ARHGAP24: variants seen among roughly 807,000 people sequenced by gnomAD.
ARHGAP24 encodes rho GTPase-activating protein 24.
A neutral mutation model predicts 76.4 loss-of-function variants in ARHGAP24; 50 were observed. The observed-to-expected ratio is 0.65, with a 90% confidence interval of 0.52 to 0.83. The LOEUF (loss-of-function observed/expected upper bound fraction) is 0.83. ARHGAP24 is among the 40% of genes least tolerant of loss of function. The probability of loss-of-function intolerance (pLI) is 0.00; values close to 1 mark genes in which losing one functional copy is unlikely to be tolerated. For synonymous variants in ARHGAP24, 345 were observed against 323.3 expected (o/e 1.07, Z -0.72); for missense variants, 930 against 914.2 (o/e 1.02, Z -0.22).
At chr4:85,722,117 G>T in intron 3 of ARHGAP24, 145 bp downstream of exon 3, 1 of 710,402 alleles carries the variant, frequency 1.4e-6, no homozygotes, top group Non-Finnish European at 2.5e-6. Context: ...GATAATGACT[G>T]CAGGTTTATA....
chr4:85,581,520 T>A (rs1026708301), intron 2 of ARHGAP24, among the ~76,000 whole-genome samples: 1 of 152,184 alleles, frequency 6.6e-6, no homozygotes, highest in African/African-American at 2.4e-5. Context: ...GGATAAGAGC[T>A]CACTGACTTA....
At chr4:85,541,860 GC>G (rs1178060326) in intron 1 of ARHGAP24, among the ~76,000 whole-genome samples, 2 of 151,978 alleles carry the variant, frequency 1.3e-5, no homozygotes, top group African/African-American at 2.4e-5. Context: ...CAAACAATGA[GC>G]TTTTATTCTT....
chr4:85,665,100 TG>T (rs1458138721), intron 2 of ARHGAP24, among the ~76,000 whole-genome samples: 7 of 152,060 alleles, frequency 4.6e-5, no homozygotes, highest in Admixed American at 3.9e-4. Context: ...TTCTGTCTAA[TG>T]TTGACAGTGG....
At chr4:85,773,723 A>G (rs1727212685) in intron 3 of ARHGAP24, among the ~76,000 whole-genome samples, 1 of 152,226 alleles carries the variant, frequency 6.6e-6, no homozygotes, top group East Asian at 1.9e-4. Context: ...AGGCACGTCA[A>G]TAAATTCAAG....
intron 4 of ARHGAP24, 52 bp from the exon 5 acceptor site, chr4:85,942,014 A>T: frequency 6.4e-7 from 1 of 1,567,176 alleles, no homozygotes; most frequent in Middle Eastern, 2.1e-4. Context: ...CAACAACAAC[A>T]AAGTGGGAAG....
At chr4:85,843,628 T>A (rs1294283740) in intron 3 of ARHGAP24, among the ~76,000 whole-genome samples, 3 of 152,120 alleles carry the variant, frequency 2.0e-5, no homozygotes, top group Non-Finnish European at 4.4e-5. Context: ...ATTTTGTGTG[T>A]GATTTTCTTA....
At chr4:85,559,969 C>G (rs1475502382) in intron 1 of ARHGAP24, among the ~76,000 whole-genome samples, 1 of 152,124 alleles carries the variant, frequency 6.6e-6, no homozygotes, top group Non-Finnish European at 1.5e-5. Flanking sequence ...AGCAAAGAGT[C>G]TTTCTTACCT....
At chr4:85,541,366 G>A (rs939211109) in intron 1 of ARHGAP24, among the ~76,000 whole-genome samples, 2 of 121,380 alleles carry the variant, frequency 1.6e-5, no homozygotes, top group Non-Finnish European at 1.5e-5. Flanking sequence ...TTTTAGCCGG[G>A]ATGGTCTTGA....
rs930775199 is a variant in ARHGAP24, at chr4:85,994,675, G to T, written c.1021G>T (p.Asp341Tyr). 1 of 1,614,156 alleles carries T rather than the reference G, an allele frequency of 6.2e-7. No individual in the cohort carries two copies. Among genetic ancestry groups the T allele is most frequent in the East Asian group, 2.2e-5 (1 of 44,876 alleles). Reference protein sequence around the residue: ...KDAELQSKPQDGVSNNNEIQK... With the variant: ...KDAELQSKPQYGVSNNNEIQK... ...TGCAGAACTACAAAGCAAGCCCCAA[G>T]ATGGAGTGAGCAACAACAATGAAAT... The change falls in exon 9 of 10, where the codon GAT (aspartate) becomes TAT (tyrosine). Residue 341 changes from aspartate to tyrosine, a missense_variant. Transcript: ENST00000395184.
At chr4:85,844,961 G>C (rs563292569) in intron 3 of ARHGAP24, among the ~76,000 whole-genome samples, 6 of 152,172 alleles carry the variant, frequency 3.9e-5, no homozygotes, top group African/African-American at 1.4e-4. Context: ...ATGGTGCATG[G>C]CACCAGTTTA....
chr4:85,897,349 G>A (rs1165748426), intron 3 of ARHGAP24, among the ~76,000 whole-genome samples: 3 of 152,126 alleles, frequency 2.0e-5, no homozygotes. Context: ...TTATTCACTT[G>A]TTTATCTACT....
chr4:85,868,901 T>G (rs916692380), intron 3 of ARHGAP24, among the ~76,000 whole-genome samples: 9 of 152,140 alleles, frequency 5.9e-5, no homozygotes, highest in African/African-American at 2.2e-4. Context: ...CCAGGTTACC[T>G]TCTCTTTTTT....
intron 2 of ARHGAP24, among the ~76,000 whole-genome samples, chr4:85,630,126 G>A (rs919455511): frequency 2.0e-5 from 3 of 151,770 alleles, no homozygotes; most frequent in Non-Finnish European, 2.9e-5. Flanking sequence ...CTGAGTCTGC[G>A]GTTGAATCTT....
intron 1 of ARHGAP24, among the ~76,000 whole-genome samples, chr4:85,501,617 A>G (rs1240530583): frequency 6.6e-6 from 1 of 152,152 alleles, no homozygotes; most frequent in Non-Finnish European, 1.5e-5. Context: ...GAATTTGGAT[A>G]TTAGCACTTT....
chr4:85,476,020 T>C (rs1359361127), intron 1 of ARHGAP24, among the ~76,000 whole-genome samples: 4 of 148,310 alleles, frequency 2.7e-5, no homozygotes, highest in African/African-American at 9.9e-5. Flanking sequence ...TGCAAAAATA[T>C]ATATTTTATA....
chr4:85,740,118 T>A (rs1725759051), intron 3 of ARHGAP24, among the ~76,000 whole-genome samples: 1 of 152,198 alleles, frequency 6.6e-6, no homozygotes, highest in Non-Finnish European at 1.5e-5. Context: ...GTTTGGCTAT[T>A]TCTTATCATT....
At chr4:85,953,233 G>A (rs1333190441) in intron 5 of ARHGAP24, among the ~76,000 whole-genome samples, 1 of 152,162 alleles carries the variant, frequency 6.6e-6, no homozygotes, top group Non-Finnish European at 1.5e-5. Context: ...AGGTCCCCCA[G>A]CTGCCCACCC....
chr4:85,495,495 C>A (rs10023293), intron 1 of ARHGAP24, among the ~76,000 whole-genome samples: 7,354 of 147,068 alleles, frequency 0.05, 581 homozygotes, highest in African/African-American at 0.17. Flanking sequence ...GGACTACAGG[C>A]GCCCGCCACC....
At position 86,001,012 on chromosome 4, in the gene ARHGAP24, T is replaced by C. The variant is rs1740990033; in HGVS notation, c.*290T>C. The C allele has an allele frequency of 2.0e-6, 1 of 504,190 alleles. No individual in the cohort carries two copies. The allele number at this position is 504,190 out of a possible 1,614,324, so 31.2% of individuals were successfully genotyped here. A position where few individuals can be genotyped will look rare whatever the true frequency, so the allele number is the denominator to read the frequency against. ...TCAAGAATTATTTTATTGCAAGTCT[T>C]GTATTTAAATGTTAAATCAATATGT... is the stretch of plus-strand genomic sequence containing the variant. On this transcript the variant is annotated 3_prime_UTR_variant, in exon 10 of 10. Coordinates refer to ENST00000395184, the MANE Select transcript of ARHGAP24 (RefSeq NM_001025616.3).
Sources: gnomAD v4.1 joint callset for allele counts (sites outside exome capture counted in the v4.1 genomes callset) on GRCh38, gnomAD v4.1.1 for gene constraint, MANE v1.5 for transcripts, NCBI Gene and HGNC (gene_info 2026-07-23, HGNC 2026-07-21) for gene names.